AKAP6: variants seen among roughly 807,000 people sequenced by gnomAD.
AKAP6 encodes A-kinase anchor protein 6.
A neutral mutation model predicts 188.5 loss-of-function variants in AKAP6; 58 were observed. The ratio of observed to expected loss-of-function variants is 0.31; its 90% confidence interval spans 0.25 to 0.38. The LOEUF is 0.38. Among genes scored for constraint, AKAP6 ranks in the 10% least tolerant of loss-of-function variants. The probability of loss-of-function intolerance (pLI) is 1.00; values close to 1 mark genes in which losing one functional copy is unlikely to be tolerated. For missense variants in AKAP6, 2,710 were observed against 2,740.0 expected, an observed-to-expected ratio of 0.99 and a Z score of 0.24; for synonymous variants, 989 against 998.6, an observed-to-expected ratio of 0.99 and a Z score of 0.18.
chr14:32,354,512 G>A lies in AKAP6; in HGVS notation c.-35+25104G>A, dbSNP rs368979283. Among the ~76,000 whole-genome samples the A allele has an allele frequency of 9.2e-5, 14 of 152,244 alleles. No homozygotes were observed. The East Asian group carries it at 9.7e-4, about 11-fold the overall frequency. Reference sequence around the variant, plus strand: ...ACAATAAGTGCCTGGCATGGTAAGCGACAATGGTAATTTCTTTCTATGCAA... The same window carrying A: ...ACAATAAGTGCCTGGCATGGTAAGCAACAATGGTAATTTCTTTCTATGCAA... On this transcript the variant is annotated intron_variant, in intron 1 of 13. Coordinates refer to ENST00000280979, the MANE Select transcript of AKAP6 (RefSeq NM_004274.5).
chr14:32,833,271 C>T lies in AKAP6; in HGVS notation c.*3466C>T, dbSNP rs144765841. On this transcript the variant is annotated 3_prime_UTR_variant, in exon 14 of 14. Transcript: ENST00000280979. ...TATAAAGGCAACTAACACATGGTAT[C>T]TGTCTCCAAAGGTTTACAGCTTTTC... is the stretch of plus-strand genomic sequence containing the variant. The T allele has an allele frequency of 9.7e-4, 147 of 152,312 alleles. No homozygotes were observed. The highest frequency in any genetic ancestry group is 3.5e-3 in the African/African-American group (145 of 41,560). The allele number at this position is 152,312 out of a possible 1,614,324, so 9.4% of individuals were successfully genotyped here.
chr14:32,388,285 T>A (rs1888599071), intron 1 of AKAP6, among the ~76,000 whole-genome samples: 2 of 152,138 alleles, frequency 1.3e-5, no homozygotes, highest in South Asian at 4.1e-4. Context: ...ATTTGTGTTT[T>A]CAAAGAACCA....
At chr14:32,416,240 C>T (rs2138663853) in intron 1 of AKAP6, among the ~76,000 whole-genome samples, 1 of 152,254 alleles carries the variant, frequency 6.6e-6, no homozygotes, top group Middle Eastern at 3.4e-3. Flanking sequence ...TGATAGTACC[C>T]ATACCAGTCA....
At chr14:32,619,715 G>A (rs1295973407) in intron 7 of AKAP6, among the ~76,000 whole-genome samples, 1 of 151,930 alleles carries the variant, frequency 6.6e-6, no homozygotes, top group Non-Finnish European at 1.5e-5. Context: ...GAAAAATGAT[G>A]TTGATATTTA....
intron 9 of AKAP6, among the ~76,000 whole-genome samples, chr14:32,728,716 CTT>C (rs1323142031): frequency 6.6e-6 from 1 of 152,184 alleles, no homozygotes; most frequent in African/African-American, 2.4e-5. Context: ...TGTCTGGTCT[CTT>C]TTCAGCATAA....
chr14:32,584,306 A>C (rs1298125151), intron 5 of AKAP6, among the ~76,000 whole-genome samples: 1 of 152,178 alleles, frequency 6.6e-6, no homozygotes, highest in Non-Finnish European at 1.5e-5. Context: ...CAGCATAGAG[A>C]TGCTGGGCAG....
At chr14:32,561,119 C>T (rs1319516079) in intron 4 of AKAP6, among the ~76,000 whole-genome samples, 1 of 152,154 alleles carries the variant, frequency 6.6e-6, no homozygotes, top group African/African-American at 2.4e-5. Flanking sequence ...TTAAAGCTTA[C>T]TGTATAAGTC....
At chr14:32,368,862 G>A (rs115668706) in intron 1 of AKAP6, among the ~76,000 whole-genome samples, 2 of 149,772 alleles carry the variant, frequency 1.3e-5, no homozygotes, top group African/African-American at 5.0e-5. Context: ...TTATAGTTTA[G>A]TGGATATTAA....
intron 7 of AKAP6, among the ~76,000 whole-genome samples, chr14:32,609,694 T>C (rs575754170): frequency 6.6e-6 from 1 of 151,930 alleles, no homozygotes; most frequent in Admixed American, 6.6e-5. Context: ...AAAGAGAGAC[T>C]AGAAAGAAGA....
chr14:32,643,744 G>A (rs1887865066), intron 7 of AKAP6, among the ~76,000 whole-genome samples: 1 of 152,094 alleles, frequency 6.6e-6, no homozygotes, highest in Non-Finnish European at 1.5e-5. Context: ...TATGCCAACT[G>A]TATGTCATCA....
At chr14:32,665,261 A>G (rs1594826073) in intron 7 of AKAP6, among the ~76,000 whole-genome samples, 1 of 151,916 alleles carries the variant, frequency 6.6e-6, no homozygotes, top group Non-Finnish European at 1.5e-5. Flanking sequence ...CCCCCAACAC[A>G]CCAGTCGAAA....
rs370693575 is a variant in AKAP6, at chr14:32,752,390, G to A, written c.3372+16508G>A. Among the ~76,000 whole-genome samples, 244 of 152,232 alleles carry A rather than the reference G, an allele frequency of 1.6e-3. 6 individuals carry two copies. In the South Asian group the frequency reaches 0.047, roughly 29 times the overall value. On this transcript the variant is annotated intron_variant, in intron 11 of 13. Coordinates refer to ENST00000280979, the MANE Select transcript of AKAP6 (RefSeq NM_004274.5). ...TGGAAGGAGAAAGTCCTATTAGGAG[G>A]TTGCTATTCTGTAACTTAGGTGATA...
chr14:32,618,576 T>G (rs1279676116), intron 7 of AKAP6, among the ~76,000 whole-genome samples: 1 of 152,194 alleles, frequency 6.6e-6, no homozygotes, highest in Admixed American at 6.5e-5. Context: ...TATGTCACAT[T>G]TTCTTTATCT....
intron 5 of AKAP6, among the ~76,000 whole-genome samples, chr14:32,578,028 G>T (rs1447347284): frequency 6.6e-6 from 1 of 152,060 alleles, no homozygotes; most frequent in Non-Finnish European, 1.5e-5. Context: ...TTCACTGATA[G>T]CATAAAATTG....
intron 2 of AKAP6, among the ~76,000 whole-genome samples, chr14:32,515,562 A>G (rs908291920): frequency 3.9e-5 from 6 of 152,124 alleles, no homozygotes; most frequent in African/African-American, 1.4e-4. Flanking sequence ...AAAGAAAACA[A>G]AAGAAAATCT....
At chr14:32,514,889 C>T (rs1210413447) in intron 2 of AKAP6, among the ~76,000 whole-genome samples, 1 of 152,154 alleles carries the variant, frequency 6.6e-6, no homozygotes, top group Non-Finnish European at 1.5e-5. Flanking sequence ...GACATTAATC[C>T]TGGAGTGAAG....
intron 9 of AKAP6, among the ~76,000 whole-genome samples, chr14:32,698,254 C>T (rs183138064): frequency 1.4e-3 from 217 of 152,194 alleles, no homozygotes; most frequent in African/African-American, 5.1e-3. Context: ...TCAGGGATTT[C>T]CAGGTTAAGT....
chr14:32,818,365 A>G (rs1438555099), intron 12 of AKAP6, among the ~76,000 whole-genome samples: 1 of 152,168 alleles, frequency 6.6e-6, no homozygotes, highest in East Asian at 1.9e-4. Flanking sequence ...AAATCCTCAG[A>G]TGCCCAAGTC....
Position 32,546,404 on chromosome 14 carries a change from C to G in AKAP6, c.1751C>G (p.Ser584Cys). ...CCAGCTTTTACTCAGAGCAGTGAAT[C>G]CTCTGTTGGCTCAGACAACATCATG... is the stretch of plus-strand genomic sequence containing the variant. ...SSPAFTQSSE[S>C]SVGSDNIMSP... Residue 584 changes from serine (S) to cysteine (C), a missense_variant, in exon 4 of 14, where the codon TCC becomes TGC. By Grantham distance (112) the Ser-to-Cys change is moderately radical. Transcript: ENST00000280979. The G allele has an allele frequency of 6.2e-7, 1 of 1,614,180 alleles. No homozygotes were observed. Among genetic ancestry groups the G allele is most frequent in the Non-Finnish European group, 8.5e-7 (1 of 1,180,028 alleles).
Sources: allele counts gnomAD v4.1 joint callset (sites outside exome capture counted in the v4.1 genomes callset), GRCh38; gene constraint gnomAD v4.1.1; transcripts MANE v1.5; gene names NCBI Gene and HGNC (gene_info 2026-07-23, HGNC 2026-07-21).